ARHGAP24: variants seen among roughly 807,000 people sequenced by gnomAD.
The protein encoded by ARHGAP24 is rho GTPase-activating protein 24.
Under a neutral mutation model 76.4 loss-of-function variants are expected in ARHGAP24, and 50 were observed. The observed-to-expected ratio is 0.65, with a 90% CI of 0.52 to 0.83. ARHGAP24 has a LOEUF of 0.83. ARHGAP24 is among the 40% of genes least tolerant of loss of function. The pLI, the probability that ARHGAP24 is intolerant of heterozygous loss-of-function variation, is 0.00. For missense variants in ARHGAP24, 930 were observed against 914.2 expected (o/e 1.02, Z -0.22); for synonymous variants, 345 against 323.3 (o/e 1.07, Z -0.72).
chr4:85,638,806 C>T (rs1721415851), intron 2 of ARHGAP24, among the ~76,000 whole-genome samples: 1 of 152,114 alleles, frequency 6.6e-6, no homozygotes, highest in Admixed American at 6.6e-5. Flanking sequence ...ATAAAACTTC[C>T]AAGATAAATA....
intron 3 of ARHGAP24, among the ~76,000 whole-genome samples, chr4:85,848,681 C>T (rs1731033242): frequency 6.6e-6 from 1 of 152,136 alleles, no homozygotes; most frequent in South Asian, 2.1e-4. Context: ...CCAGTTTGCA[C>T]AACGCCATTT....
chr4:85,965,600 T>TTCTC (rs1286217160), intron 5 of ARHGAP24, among the ~76,000 whole-genome samples: 1 of 151,920 alleles, frequency 6.6e-6, no homozygotes, highest in East Asian at 1.9e-4. Flanking sequence ...ATTCCCTCCT[T>TTCTC]TGGAATTTTC....
At chr4:85,784,268 G>A (rs1309559407) in intron 3 of ARHGAP24, among the ~76,000 whole-genome samples, 1 of 150,976 alleles carries the variant, frequency 6.6e-6, no homozygotes, top group Non-Finnish European at 1.5e-5. Context: ...TAGAGATCTA[G>A]TGCATAGCCT....
intron 9 of ARHGAP24, 114 bp from the exon 10 acceptor site, chr4:86,000,365 C>A: frequency 1.2e-6 from 1 of 839,730 alleles, no homozygotes; most frequent in Non-Finnish European, 2.0e-6. Flanking sequence ...ATTTCCTAAG[C>A]ATCATAAAGA....
At chr4:85,694,666 T>G (rs1723805744) in intron 2 of ARHGAP24, among the ~76,000 whole-genome samples, 1 of 151,484 alleles carries the variant, frequency 6.6e-6, no homozygotes, top group African/African-American at 2.4e-5. Flanking sequence ...CCACCCTCTG[T>G]GTGTGTGTGT....
intron 3 of ARHGAP24, among the ~76,000 whole-genome samples, chr4:85,850,284 C>T (rs1467309683): frequency 3.9e-5 from 6 of 152,090 alleles, no homozygotes; most frequent in East Asian, 3.8e-4. Flanking sequence ...TCTGTGGGAT[C>T]GCTGGTGATA....
chr4:85,673,928 G>A (rs1470406929), intron 2 of ARHGAP24, among the ~76,000 whole-genome samples: 1 of 151,948 alleles, frequency 6.6e-6, no homozygotes, highest in Non-Finnish European at 1.5e-5. Flanking sequence ...TGCGTAGCTT[G>A]TATTTAATGG....
chr4:85,605,060 C>T, intron 2 of ARHGAP24, among the ~76,000 whole-genome samples: 1 of 152,106 alleles, frequency 6.6e-6, no homozygotes, highest in Non-Finnish European at 1.5e-5. Flanking sequence ...TACATATACA[C>T]ACAAATAACC....
intron 1 of ARHGAP24, among the ~76,000 whole-genome samples, chr4:85,541,258 A>G (rs1275484745): frequency 8.1e-6 from 1 of 122,968 alleles, no homozygotes; most frequent in African/African-American, 4.0e-5. Context: ...GGTTCACGCC[A>G]TTCTCCTGCC....
rs1723250202 is a variant in ARHGAP24 at position 85,682,653 on chromosome 4, A to G, written c.181-39232A>G. 4.6e-5 allele frequency among the ~76,000 whole-genome samples: 7 copies of G among 152,244 alleles called. No homozygotes were observed. In the South Asian group the frequency reaches 1.4e-3, roughly 32 times the overall value. On this transcript the variant is annotated intron_variant, in intron 2 of 9. Coordinates refer to ENST00000395184, the MANE Select transcript of ARHGAP24 (RefSeq NM_001025616.3). ...TGCAAAAGATCATAGTTAAAGTTGA[A>G]TAATCAAGAGCAAAATATTACTGCC...
intron 3 of ARHGAP24, among the ~76,000 whole-genome samples, chr4:85,807,670 G>A (rs534975007): frequency 6.6e-6 from 1 of 152,248 alleles, no homozygotes; most frequent in East Asian, 1.9e-4. Context: ...GATGACGGAT[G>A]GTTTTGTTGC....
intron 2 of ARHGAP24, among the ~76,000 whole-genome samples, chr4:85,718,976 T>C (rs1028762809): frequency 6.6e-6 from 1 of 152,158 alleles, no homozygotes; most frequent in Non-Finnish European, 1.5e-5. Context: ...AAGTAGAACC[T>C]GAAGATATAG....
chr4:85,828,143 G>A (rs112737915), intron 3 of ARHGAP24, among the ~76,000 whole-genome samples: 2 of 152,136 alleles, frequency 1.3e-5, no homozygotes, highest in African/African-American at 4.8e-5. Flanking sequence ...AGCTCTCCAC[G>A]GTGTCTACAT....
At chr4:85,778,338 C>G (rs370545708) in intron 3 of ARHGAP24, among the ~76,000 whole-genome samples, 27 of 152,278 alleles carry the variant, frequency 1.8e-4, no homozygotes, top group African/African-American at 6.0e-4. Context: ...TGTTACTGCT[C>G]CCTGCCAATT....
chr4:85,988,762 G>A (rs555377423), intron 8 of ARHGAP24, among the ~76,000 whole-genome samples: 1 of 151,468 alleles, frequency 6.6e-6, no homozygotes, highest in East Asian at 1.9e-4. Context: ...TCTAAAGGCA[G>A]AGATAAAATA....
chr4:85,612,013 A>G (rs983501740), intron 2 of ARHGAP24, among the ~76,000 whole-genome samples: 2 of 151,804 alleles, frequency 1.3e-5, no homozygotes, highest in African/African-American at 4.8e-5. Flanking sequence ...GCAAATAATT[A>G]GGGTAATATT....
chr4:85,539,969 C>T (rs1171967933), intron 1 of ARHGAP24, among the ~76,000 whole-genome samples: 1 of 152,008 alleles, frequency 6.6e-6, no homozygotes, highest in East Asian at 1.9e-4. Flanking sequence ...CGCTTGAACC[C>T]AGGAGGCAGA....
intron 2 of ARHGAP24, among the ~76,000 whole-genome samples, chr4:85,687,070 A>G (rs1723449486): frequency 6.6e-6 from 1 of 152,096 alleles, no homozygotes; most frequent in Non-Finnish European, 1.5e-5. Flanking sequence ...CTAATTAGAG[A>G]TTCAAGAAAA....
intron 2 of ARHGAP24, among the ~76,000 whole-genome samples, chr4:85,646,850 T>A (rs1721740767): frequency 6.6e-6 from 1 of 152,148 alleles, no homozygotes; most frequent in South Asian, 2.1e-4. Flanking sequence ...TTGATTTTAA[T>A]TCAACCAACA....
Sources: gnomAD v4.1 joint callset for allele counts (sites outside exome capture counted in the v4.1 genomes callset) on GRCh38, gnomAD v4.1.1 for gene constraint, MANE v1.5 for transcripts, NCBI Gene and HGNC (gene_info 2026-07-23, HGNC 2026-07-21) for gene names.